Variants in RPGRIP1L observed in about 807,000 individuals in gnomAD.
The protein encoded by RPGRIP1L is protein fantom.
Under a neutral mutation model 160.4 loss-of-function variants are expected in RPGRIP1L, and 131 were observed. The ratio of observed to expected loss-of-function variants is 0.82; its 90% CI spans 0.71 to 0.94. The LOEUF (loss-of-function observed/expected upper bound fraction) is 0.94. Ranked by LOEUF, RPGRIP1L falls within the 40% of genes least tolerant of loss-of-function variation. The pLI is 0.00. For synonymous variants in RPGRIP1L, 510 were observed against 515.8 expected, an observed-to-expected ratio of 0.99 and a Z score of 0.15; for missense variants, 1,522 against 1,535.8, an observed-to-expected ratio of 0.99 and a Z score of 0.15.
intron 22 of RPGRIP1L, among the ~76,000 whole-genome samples, chr16:53,630,173 T>A (rs1027783859): frequency 6.6e-6 from 1 of 151,928 alleles, no homozygotes; most frequent in African/African-American, 2.4e-5. Context: ...GCCTTCAGAG[T>A]AGCTAGGACT....
intron 24 of RPGRIP1L, among the ~76,000 whole-genome samples, chr16:53,612,814 T>C (rs1001725786): frequency 2.6e-5 from 4 of 152,216 alleles, no homozygotes; most frequent in African/African-American, 7.2e-5. Flanking sequence ...ATTAAATATC[T>C]ACATATTGTG....
At chr16:53,605,460 G>A (rs746075543) in intron 26 of RPGRIP1L, 21 bp downstream of exon 26, 2 of 1,613,978 alleles carry the variant, frequency 1.2e-6, no homozygotes, top group Non-Finnish European at 1.7e-6. Flanking sequence ...TGCACAAACT[G>A]AGCAACACTT....
chr16:53,649,404 C>G (rs1248568502), intron 15 of RPGRIP1L, among the ~76,000 whole-genome samples: 2 of 152,096 alleles, frequency 1.3e-5, no homozygotes, highest in Admixed American at 1.3e-4. Flanking sequence ...TTTTAAAAAT[C>G]TAAACATTGG....
intron 6 of RPGRIP1L, among the ~76,000 whole-genome samples, chr16:53,685,619 C>T (rs1598399532): frequency 1.3e-5 from 2 of 151,862 alleles, no homozygotes; most frequent in Admixed American, 6.6e-5. Flanking sequence ...AAACCAAACA[C>T]TGCGTGTTCT....
chr16:53,610,946 A>G (rs1173485216), intron 25 of RPGRIP1L, 21 bp downstream of exon 25: 1 of 1,539,746 alleles, frequency 6.5e-7, no homozygotes. Flanking sequence ...CCATTAGATT[A>G]TTTGGACTGC....
intron 2 of RPGRIP1L, among the ~76,000 whole-genome samples, chr16:53,697,260 C>T (rs1970839780): frequency 6.6e-6 from 1 of 151,900 alleles, no homozygotes; most frequent in Non-Finnish European, 1.5e-5. Context: ...TGAACAGGAA[C>T]ATCACTGACA....
chr16:53,608,609 T>C (rs1963831337), intron 25 of RPGRIP1L, among the ~76,000 whole-genome samples: 1 of 152,188 alleles, frequency 6.6e-6, no homozygotes, highest in Admixed American at 6.5e-5. Context: ...GTACTATATA[T>C]AATTTATTAT....
At chr16:53,639,624 T>C (rs1439436041) in intron 19 of RPGRIP1L, among the ~76,000 whole-genome samples, 1 of 152,142 alleles carries the variant, frequency 6.6e-6, no homozygotes, top group Non-Finnish European at 1.5e-5. Flanking sequence ...GGAATCAGGC[T>C]ACTGTGTTCA....
intron 14 of RPGRIP1L, 109 bp from the exon 15 acceptor site, chr16:53,653,096 T>C: frequency 1.0e-6 from 1 of 965,876 alleles, no homozygotes; most frequent in Non-Finnish European, 1.6e-6. Flanking sequence ...GTCTCTATTT[T>C]AAATTCTATG....
intron 21 of RPGRIP1L, among the ~76,000 whole-genome samples, chr16:53,636,944 AC>A (rs1183431121): frequency 3.5e-4 from 3 of 8,562 alleles, no homozygotes; most frequent in Non-Finnish European, 5.9e-4. Flanking sequence ...AATATTTGAC[AC>A]ACACACACAC....
intron 17 of RPGRIP1L, among the ~76,000 whole-genome samples, chr16:53,641,900 A>C (rs1289812651): frequency 1.3e-5 from 2 of 152,118 alleles, no homozygotes; most frequent in Non-Finnish European, 2.9e-5. Flanking sequence ...TCTAAAGAAA[A>C]ATATATTAAT....
At chr16:53,636,416 C>T (rs777275417) in intron 22 of RPGRIP1L, 23 bp downstream of exon 22, 109 of 1,516,682 alleles carry the variant, frequency 7.2e-5, no homozygotes, top group Non-Finnish European at 9.6e-5. Flanking sequence ...CAGAACATTT[C>T]TAGTTGGCAT....
At chr16:53,604,714 A>G (rs1385183341) in intron 26 of RPGRIP1L, among the ~76,000 whole-genome samples, 1 of 152,232 alleles carries the variant, frequency 6.6e-6, no homozygotes, top group Non-Finnish European at 1.5e-5. Flanking sequence ...GTATCACTAC[A>G]TTGCAACACT....
chr16:53,682,785 T>C (rs945705356), intron 6 of RPGRIP1L, among the ~76,000 whole-genome samples: 1 of 152,202 alleles, frequency 6.6e-6, no homozygotes, highest in African/African-American at 2.4e-5. Context: ...GGAACCATTC[T>C]TGGTTTTTAA....
At chr16:53,632,556 A>T (rs977011261) in intron 22 of RPGRIP1L, among the ~76,000 whole-genome samples, 13 of 152,102 alleles carry the variant, frequency 8.5e-5, no homozygotes, top group African/African-American at 2.7e-4. Flanking sequence ...CCCACTACAT[A>T]TATATCTGTT....
rs949852282 is a variant in RPGRIP1L, at chr16:53,699,541, C to T, written c.85+1098G>A. ...CACAAGAATTGAACTTATAGAGTAT[C>T]AAAACCCAATAAATCACTTTGCACA... On this transcript the variant is annotated intron_variant, in intron 2 of 26. Transcript: ENST00000647211. Among the ~76,000 whole-genome samples, 3 of 152,172 alleles carry T rather than the reference C, an allele frequency of 2.0e-5. No individual in the cohort carries two copies. In the South Asian group the frequency reaches 6.2e-4, roughly 32 times the overall value.
chr16:53,680,614 T>G (rs899293343), intron 6 of RPGRIP1L, among the ~76,000 whole-genome samples: 3 of 152,006 alleles, frequency 2.0e-5, no homozygotes, highest in Non-Finnish European at 4.4e-5. Context: ...TTGGGGAAAT[T>G]TGGATATGGA....
chr16:53,631,392 A>G (rs1466827013), intron 22 of RPGRIP1L, among the ~76,000 whole-genome samples: 2 of 152,212 alleles, frequency 1.3e-5, no homozygotes, highest in Non-Finnish European at 2.9e-5. Context: ...ACTGCACAGA[A>G]GAGTCCATTG....
intron 10 of RPGRIP1L, among the ~76,000 whole-genome samples, chr16:53,663,503 G>C (rs1476241828): frequency 6.6e-6 from 1 of 152,050 alleles, no homozygotes; most frequent in African/African-American, 2.4e-5. Context: ...TTGGAAAAGA[G>C]AGAGGGAATA....
Sources: allele counts gnomAD v4.1 joint callset (sites outside exome capture counted in the v4.1 genomes callset), GRCh38; gene constraint gnomAD v4.1.1; transcripts MANE v1.5; gene names NCBI Gene and HGNC (gene_info 2026-07-23, HGNC 2026-07-21).